The following RPSA2 variants were observed in gnomAD, a reference collection of about 807,000 sequenced individuals.
RPSA2 encodes the protein small ribosomal subunit protein uS2B.
the RPSA2 span, among the ~76,000 whole-genome samples, chr19:23,778,754 G>T: frequency 6.6e-6 from 1 of 152,080 alleles, no homozygotes; most frequent in African/African-American, 2.4e-5. Context: ...CTTGGGAACT[G>T]TCCATAATGA....
chr19:23,829,552 C>T, the RPSA2 span, among the ~76,000 whole-genome samples: 148,803 of 152,280 alleles, frequency 0.98, 72,806 homozygotes, highest in Middle Eastern at 1. Flanking sequence ...CCACCCGCCT[C>T]GGCCTCCCAA....
the RPSA2 span, chr19:23,833,160 T>G: frequency 8.4e-7 from 1 of 1,195,172 alleles, no homozygotes; most frequent in East Asian, 5.3e-5. Flanking sequence ...AATGTGCCAA[T>G]GCCTTTTCCT....
At chr19:23,804,191 T>C in the RPSA2 span, among the ~76,000 whole-genome samples, 2 of 152,192 alleles carry the variant, frequency 1.3e-5, no homozygotes, top group African/African-American at 4.8e-5. Flanking sequence ...GGAAATAATA[T>C]GATACTTTAA....
the RPSA2 span, among the ~76,000 whole-genome samples, chr19:23,868,158 C>T: frequency 6.6e-6 from 1 of 152,150 alleles, no homozygotes; most frequent in Non-Finnish European, 1.5e-5. Flanking sequence ...GGCTTGCCAT[C>T]CCCAGCAGCC....
chr19:23,759,206 A>T, the RPSA2 span, among the ~76,000 whole-genome samples: 3 of 152,018 alleles, frequency 2.0e-5, no homozygotes, highest in Non-Finnish European at 4.4e-5. Context: ...TATATATAAT[A>T]ACAATTATTT....
chr19:23,816,204 G>A, the RPSA2 span, among the ~76,000 whole-genome samples: 2 of 151,904 alleles, frequency 1.3e-5, no homozygotes, highest in African/African-American at 4.8e-5. Context: ...TTGTGATCAT[G>A]GCTCACTGCA....
At chr19:23,835,124 G>T in the RPSA2 span, among the ~76,000 whole-genome samples, 1 of 151,842 alleles carries the variant, frequency 6.6e-6, no homozygotes. Context: ...TGACTACAGG[G>T]TCATTTTTAT....
the RPSA2 span, among the ~76,000 whole-genome samples, chr19:23,797,275 A>G: frequency 6.6e-6 from 1 of 151,930 alleles, no homozygotes; most frequent in African/African-American, 2.4e-5. Context: ...ATGATGGGCT[A>G]ATTTTTGTAT....
the RPSA2 span, among the ~76,000 whole-genome samples, chr19:23,787,301 G>C: frequency 6.6e-6 from 1 of 152,042 alleles, no homozygotes; most frequent in Non-Finnish European, 1.5e-5. Context: ...CCTATAGGCG[G>C]CATTTTGAAA....
the RPSA2 span, among the ~76,000 whole-genome samples, chr19:23,864,569 G>A: frequency 2.4e-4 from 36 of 152,196 alleles, no homozygotes; most frequent in African/African-American, 8.2e-4. Flanking sequence ...CACTATCCAG[G>A]ACTCTCCATA....
chr19:23,853,077 A>G, the RPSA2 span, among the ~76,000 whole-genome samples: 15 of 152,376 alleles, frequency 9.8e-5, 1 homozygote, highest in African/African-American at 3.1e-4. Context: ...TGTCCAATAT[A>G]AAGCTGGCAG....
At chr19:23,758,824 G>C in the RPSA2 span, 15 of 1,595,762 alleles carry the variant, frequency 9.4e-6, no homozygotes, top group South Asian at 1.7e-4. Flanking sequence ...CATAGAGGCT[G>C]GGCCTCTAGA....
the RPSA2 span, among the ~76,000 whole-genome samples, chr19:23,787,030 G>A: frequency 5.9e-5 from 9 of 151,776 alleles, no homozygotes; most frequent in Non-Finnish European, 1.3e-4. Context: ...CATATTACTG[G>A]GCCCAGCATC....
the RPSA2 span, among the ~76,000 whole-genome samples, chr19:23,805,869 T>C: frequency 6.6e-6 from 1 of 152,110 alleles, no homozygotes; most frequent in African/African-American, 2.4e-5. Context: ...CGTTTCTATA[T>C]ATCACAGACT....
At chr19:23,796,331 G>A in the RPSA2 span, among the ~76,000 whole-genome samples, 4 of 151,698 alleles carry the variant, frequency 2.6e-5, no homozygotes, top group Non-Finnish European at 2.9e-5. Flanking sequence ...CTTGATCATC[G>A]TGGGTTAGCT....
the RPSA2 span, among the ~76,000 whole-genome samples, chr19:23,828,391 G>C: frequency 2.1e-5 from 3 of 142,134 alleles, no homozygotes; most frequent in Non-Finnish European, 4.6e-5. Context: ...TTTGAGGTTG[G>C]TGTTTCTATT....
the RPSA2 span, among the ~76,000 whole-genome samples, chr19:23,836,535 G>T: frequency 6.6e-6 from 1 of 152,204 alleles, no homozygotes; most frequent in Non-Finnish European, 1.5e-5. Context: ...TAGATACCCA[G>T]TAGTGGGATT....
At chr19:23,849,986 T>C in the RPSA2 span, among the ~76,000 whole-genome samples, 1 of 152,216 alleles carries the variant, frequency 6.6e-6, no homozygotes, top group African/African-American at 2.4e-5. Context: ...TTGTAGTTAA[T>C]CTCTCCGGAA....
chr19:23,820,619 T>TG, the RPSA2 span, among the ~76,000 whole-genome samples: 8 of 152,336 alleles, frequency 5.3e-5, no homozygotes, highest in African/African-American at 1.7e-4. Context: ...CTACCTTCTC[T>TG]GGGGCTCATA....
Sources: gnomAD v4.1 joint callset for allele counts (sites outside exome capture counted in the v4.1 genomes callset) on GRCh38, gnomAD v4.1.1 for gene constraint, MANE v1.5 for transcripts, NCBI Gene and HGNC (gene_info 2026-07-23, HGNC 2026-07-21) for gene names.